GALNTL6: variants seen among roughly 807,000 people sequenced by gnomAD.
GALNTL6 encodes polypeptide N-acetylgalactosaminyltransferase-like 6.
In GALNTL6, 46 loss-of-function variants were observed where a neutral mutation model predicts 73.7. That is an observed-to-expected ratio of 0.62 (90% confidence interval 0.49 to 0.80). The LOEUF (loss-of-function observed/expected upper bound fraction) is 0.80, where lower values mean the gene tolerates loss of function less well. GALNTL6 is among the 30% of genes least tolerant of loss of function. GALNTL6 has a pLI of 0.00. For missense variants in GALNTL6, 604 were observed against 755.0 expected (o/e 0.80, Z 2.34); for synonymous variants, 259 against 263.7 (o/e 0.98, Z 0.17).
chr4:172,323,107 A>G (rs1740814995), intron 4 of GALNTL6, among the ~76,000 whole-genome samples: 1 of 152,212 alleles, frequency 6.6e-6, no homozygotes, highest in Non-Finnish European at 1.5e-5. Flanking sequence ...TAGTAAAGAC[A>G]TAAAATATCA....
chr4:172,739,371 T>A (rs1424932361), intron 5 of GALNTL6, among the ~76,000 whole-genome samples: 3 of 152,160 alleles, frequency 2.0e-5, no homozygotes, highest in Admixed American at 6.6e-5. Flanking sequence ...GACAGGAAGT[T>A]CATGCTCATT....
intron 2 of GALNTL6, among the ~76,000 whole-genome samples, chr4:171,879,546 T>C (rs1264825972): frequency 6.6e-6 from 1 of 152,230 alleles, no homozygotes; most frequent in Non-Finnish European, 1.5e-5. Context: ...CTCAAGTTAT[T>C]ATTTTAGTAC....
intron 9 of GALNTL6, among the ~76,000 whole-genome samples, chr4:172,949,085 C>T (rs557073575): frequency 6.6e-6 from 1 of 152,332 alleles, no homozygotes; most frequent in East Asian, 1.9e-4. Flanking sequence ...AGCAACAGCA[C>T]TTGTTTTCAA....
chr4:171,980,048 CA>C (rs1053904600), intron 2 of GALNTL6, among the ~76,000 whole-genome samples: 2 of 151,754 alleles, frequency 1.3e-5, no homozygotes, highest in African/African-American at 2.4e-5. Context: ...TAAACCAAGG[CA>C]AAAAAATTAA....
At chr4:172,692,179 C>A (rs1314942373) in intron 5 of GALNTL6, among the ~76,000 whole-genome samples, 1 of 152,040 alleles carries the variant, frequency 6.6e-6, no homozygotes, top group African/African-American at 2.4e-5. Context: ...TGTGCATCTG[C>A]TTGCATATTT....
chr4:172,015,923 ATTTTTTTTTTTTTTTTT>A (rs70941375), intron 2 of GALNTL6, among the ~76,000 whole-genome samples: 7 of 44,052 alleles, frequency 1.6e-4, no homozygotes, highest in South Asian at 1.4e-3. Context: ...ATCTAATAGG[ATTTTTTTTTTTTTTTTT>A]TTTTTTTTTT....
intron 2 of GALNTL6, among the ~76,000 whole-genome samples, chr4:172,059,244 G>A (rs892999180): frequency 5.9e-5 from 9 of 152,154 alleles, no homozygotes; most frequent in Non-Finnish European, 1.0e-4. Flanking sequence ...CAGAATAAGA[G>A]GAAGCAGTTG....
intron 7 of GALNTL6, among the ~76,000 whole-genome samples, chr4:172,829,568 C>T (rs909133399): frequency 2.0e-5 from 3 of 152,144 alleles, no homozygotes; most frequent in Non-Finnish European, 2.9e-5. Flanking sequence ...ACTTCAAATG[C>T]GTATTTAGAC....
At chr4:172,342,353 G>A (rs537574327) in intron 4 of GALNTL6, among the ~76,000 whole-genome samples, 14 of 152,230 alleles carry the variant, frequency 9.2e-5, no homozygotes, top group Admixed American at 3.9e-4. Flanking sequence ...AAGAATGCTG[G>A]ATTCTTATTC....
intron 5 of GALNTL6, among the ~76,000 whole-genome samples, chr4:172,421,274 G>A (rs1462879502): frequency 4.6e-5 from 7 of 152,040 alleles, no homozygotes; most frequent in African/African-American, 1.4e-4. Context: ...TTCCTAATTT[G>A]TAAAGTGAAA....
chr4:172,335,131 T>C (rs909540486), intron 4 of GALNTL6, among the ~76,000 whole-genome samples: 39 of 152,210 alleles, frequency 2.6e-4, no homozygotes, highest in African/African-American at 8.9e-4. Flanking sequence ...GTATTTTTAG[T>C]AGAGACGGGT....
At chr4:172,424,031 G>T (rs1479856177) in intron 5 of GALNTL6, among the ~76,000 whole-genome samples, 3 of 151,946 alleles carry the variant, frequency 2.0e-5, no homozygotes, top group African/African-American at 7.3e-5. Context: ...TACAAAAAAA[G>T]ATTTTGTAGG....
chr4:172,026,374 T>C (rs1040600621), intron 2 of GALNTL6, among the ~76,000 whole-genome samples: 4 of 152,130 alleles, frequency 2.6e-5, no homozygotes, highest in African/African-American at 4.8e-5. Context: ...TATTGACAGA[T>C]ATTAAGCACA....
chr4:172,766,292 T>C (rs568672932), intron 5 of GALNTL6, among the ~76,000 whole-genome samples: 1 of 152,300 alleles, frequency 6.6e-6, no homozygotes, highest in Admixed American at 6.5e-5. Context: ...CCAGGTGAAA[T>C]TTTTGGATAT....
chr4:172,919,339 T>G (rs1747680490), intron 8 of GALNTL6, among the ~76,000 whole-genome samples: 1 of 152,176 alleles, frequency 6.6e-6, no homozygotes, highest in Non-Finnish European at 1.5e-5. Context: ...CAGTGTCCAT[T>G]TCATTCCCTC....
In GALNTL6 at chr4:171,814,565, T is replaced by C; in HGVS notation, c.-16T>C. 1 of 1,613,598 alleles carries C rather than the reference T, an allele frequency of 6.2e-7. No individual in the cohort carries two copies. The highest frequency in any genetic ancestry group is 1.1e-5 in the South Asian group (1 of 91,070). ...GAGCCATCTCCTTTAACTTTTCTTC[T>C]CTGTTACCATTTGCAATGAAGAGGA... On this transcript the variant is annotated 5_prime_UTR_variant, in exon 2 of 13. Transcript: ENST00000506823.
At chr4:172,423,910 T>A (rs2332529) in intron 5 of GALNTL6, among the ~76,000 whole-genome samples, 44 of 152,022 alleles carry the variant, frequency 2.9e-4, no homozygotes, top group Non-Finnish European at 5.1e-4. Context: ...AGCAAGATAC[T>A]CTATATCCGT....
chr4:171,996,135 G>A (rs1740477734), intron 2 of GALNTL6, among the ~76,000 whole-genome samples: 1 of 151,986 alleles, frequency 6.6e-6, no homozygotes, highest in Admixed American at 6.6e-5. Flanking sequence ...AACATTAAGT[G>A]GGTGCTTCTC....
chr4:172,728,494 A>G (rs1325843944), intron 5 of GALNTL6, among the ~76,000 whole-genome samples: 2 of 150,184 alleles, frequency 1.3e-5, no homozygotes, highest in East Asian at 3.9e-4. Flanking sequence ...TTGTATATGT[A>G]CATATACAAT....
Sources: allele counts gnomAD v4.1 joint callset (sites outside exome capture counted in the v4.1 genomes callset), GRCh38; gene constraint gnomAD v4.1.1; transcripts MANE v1.5; gene names NCBI Gene and HGNC (gene_info 2026-07-23, HGNC 2026-07-21).